Variants in XRCC4 observed in about 807,000 individuals in gnomAD.
The protein encoded by XRCC4 is X-ray repair cross complementing 4.
Under a neutral mutation model 39.1 loss-of-function variants are expected in XRCC4, and 28 were observed. The observed-to-expected ratio is 0.72, with a 90% CI of 0.53 to 0.98. The LOEUF (loss-of-function observed/expected upper bound fraction) is 0.98, where lower values mean the gene tolerates loss of function less well. Ranked by LOEUF, XRCC4 falls within the 50% of genes least tolerant of loss-of-function variation. XRCC4 has a pLI of 0.00. For synonymous variants in XRCC4, 123 were observed against 126.4 expected (o/e 0.97, Z 0.18); for missense variants, 350 against 376.4 (o/e 0.93, Z 0.58).
chr5:83,272,596 A>G (rs956805689), intron 7 of XRCC4, among the ~76,000 whole-genome samples: 1 of 151,818 alleles, frequency 6.6e-6, no homozygotes, highest in African/African-American at 2.4e-5. Context: ...ACCCCACGAC[A>G]GGCCACAGTA....
intron 3 of XRCC4, among the ~76,000 whole-genome samples, chr5:83,172,567 G>C (rs74945909): frequency 0.015 from 2,291 of 152,206 alleles, 54 homozygotes; most frequent in African/African-American, 0.051. Context: ...GTTAGATTTT[G>C]AGTATGGTGT....
At chr5:83,078,670 G>T (rs1744795579) in intron 1 of XRCC4, among the ~76,000 whole-genome samples, 1 of 152,174 alleles carries the variant, frequency 6.6e-6, no homozygotes, top group Admixed American at 6.5e-5. Flanking sequence ...CTGTTATATT[G>T]AATTGTCAAG....
intron 6 of XRCC4, among the ~76,000 whole-genome samples, chr5:83,238,357 T>C (rs1752771069): frequency 6.6e-6 from 1 of 152,206 alleles, no homozygotes; most frequent in African/African-American, 2.4e-5. Flanking sequence ...ATGCTTTTGA[T>C]TTTGGGAAAA....
At chr5:83,230,918 AT>A (rs971662415) in intron 6 of XRCC4, among the ~76,000 whole-genome samples, 2 of 148,732 alleles carry the variant, frequency 1.3e-5, no homozygotes, top group African/African-American at 2.5e-5. Flanking sequence ...ATAAGAATTC[AT>A]TTTTTTTTTG....
intron 7 of XRCC4, among the ~76,000 whole-genome samples, chr5:83,334,560 CA>C (rs984728882): frequency 6.6e-6 from 1 of 151,490 alleles, no homozygotes; most frequent in Non-Finnish European, 1.5e-5. Context: ...TAATTATTGA[CA>C]AAGGAAGATA....
chr5:83,150,926 G>GGTTTT (rs910846672), intron 3 of XRCC4, among the ~76,000 whole-genome samples: 5 of 151,850 alleles, frequency 3.3e-5, no homozygotes, highest in East Asian at 1.9e-4. Flanking sequence ...AGCCTATGAG[G>GGTTTT]GTTTTGTTTT....
intron 3 of XRCC4, among the ~76,000 whole-genome samples, chr5:83,116,636 T>TGA (rs1746731804): frequency 1.6e-5 from 2 of 128,194 alleles, no homozygotes; most frequent in African/African-American, 3.0e-5. Flanking sequence ...TTTTTTTTTT[T>TGA]TTTGAGATGG....
At chr5:83,218,501 A>T (rs1751959393) in intron 6 of XRCC4, among the ~76,000 whole-genome samples, 1 of 152,068 alleles carries the variant, frequency 6.6e-6, no homozygotes, top group African/African-American at 2.4e-5. Context: ...ATATGAGGAG[A>T]GGATCATATA....
At chr5:83,180,093 T>C (rs752601036) in intron 3 of XRCC4, among the ~76,000 whole-genome samples, 1 of 152,192 alleles carries the variant, frequency 6.6e-6, no homozygotes, top group Non-Finnish European at 1.5e-5. Context: ...TTTTATCATT[T>C]CTTCAGTAGC....
In XRCC4 at chr5:83,270,796, T is replaced by A. The variant is rs200858677; in HGVS notation, c.893+12119T>A. The stretch of plus-strand genomic sequence containing the variant: ...ATATACATATATATATGTATATATT[T>A]TTTTTTTGAGACAGAGTCTCACTCT... On this transcript the variant is annotated intron_variant, in intron 7 of 7. Transcript: ENST00000396027. Among the ~76,000 whole-genome samples the A allele has an allele frequency of 1.3e-3, 200 of 149,442 alleles. 2 individuals are homozygous for A. Among genetic ancestry groups the A allele is most frequent in the East Asian group, 0.012 (60 of 5,110 alleles).
Position 83,258,670 on chromosome 5 carries a change from A to G in XRCC4, c.886A>G (p.Lys296Glu). 6.2e-7 allele frequency: 1 copy of G among 1,610,014 alleles called. No individual in the cohort carries two copies. The highest frequency in any genetic ancestry group is 8.5e-7 in the Non-Finnish European group (1 of 1,178,520). Residue 296 changes from lysine (K) to glutamate (E), a missense_variant, in exon 7 of 8, where the codon AAG becomes GAG. Physicochemically the swap from Lys to Glu is moderately conservative, Grantham distance 56. Transcript: ENST00000396027. ...MAPQENQLQE[K>E]EKPDSSLPET... ...TCCTCAGGAGAATCAGCTTCAAGAA[A>G]AGGAAAAGTAAGTCATTTTATTCTT...
intron 3 of XRCC4, among the ~76,000 whole-genome samples, chr5:83,137,608 G>C (rs908633297): frequency 3.9e-5 from 6 of 152,148 alleles, no homozygotes; most frequent in Non-Finnish European, 4.4e-5. Flanking sequence ...ACCTGGATTT[G>C]AATCTCAGCA....
At chr5:83,276,206 TAATA>T (rs1427868256) in intron 7 of XRCC4, among the ~76,000 whole-genome samples, 3 of 152,190 alleles carry the variant, frequency 2.0e-5, no homozygotes, top group Admixed American at 6.5e-5. Flanking sequence ...CCTATTTTAA[TAATA>T]AAGTGTTGAA....
rs879653041 is a variant in XRCC4 at position 83,162,150 on chromosome 5, G to A, written c.316-33620G>A. Reference sequence around the variant, plus strand: ...CCACTGCACTCCAGCCTGGGCGACAGAGCGAGACAACGTTTCAAAAATAAA... The same window carrying A: ...CCACTGCACTCCAGCCTGGGCGACAAAGCGAGACAACGTTTCAAAAATAAA... On this transcript the variant is annotated intron_variant, in intron 3 of 7. Transcript: ENST00000396027. Among the ~76,000 whole-genome samples, 5 of 152,168 alleles carry A rather than the reference G, an allele frequency of 3.3e-5. 1 individual carries two copies. Among genetic ancestry groups the A allele is most frequent in the Admixed American group, 1.3e-4 (2 of 15,276 alleles).
intron 3 of XRCC4, among the ~76,000 whole-genome samples, chr5:83,125,347 C>T (rs1240591339): frequency 6.6e-6 from 1 of 152,128 alleles, no homozygotes; most frequent in Non-Finnish European, 1.5e-5. Context: ...TGTCTAAGGA[C>T]TCTTCCCTTA....
chr5:83,221,487 C>A (rs977689232), intron 6 of XRCC4, among the ~76,000 whole-genome samples: 4 of 152,084 alleles, frequency 2.6e-5, no homozygotes, highest in African/African-American at 9.7e-5. Context: ...AAATAGAACA[C>A]TCTAATTTAT....
intron 6 of XRCC4, among the ~76,000 whole-genome samples, chr5:83,223,755 A>T (rs1278491046): frequency 6.6e-6 from 1 of 151,898 alleles, no homozygotes; most frequent in African/African-American, 2.4e-5. Context: ...ATATGTATAC[A>T]TGTGCCATGC....
chr5:83,260,843 C>T (rs912141341), intron 7 of XRCC4, among the ~76,000 whole-genome samples: 2 of 151,916 alleles, frequency 1.3e-5, no homozygotes, highest in African/African-American at 2.4e-5. Context: ...GCTTTGGTAA[C>T]GGTCTGCTAA....
intron 3 of XRCC4, among the ~76,000 whole-genome samples, chr5:83,191,235 A>G (rs959805367): frequency 6.6e-6 from 1 of 152,232 alleles, no homozygotes; most frequent in African/African-American, 2.4e-5. Context: ...AGAGAGGCCA[A>G]TGTAGGCTGA....
Sources: gnomAD v4.1 joint callset for allele counts (sites outside exome capture counted in the v4.1 genomes callset) on GRCh38, gnomAD v4.1.1 for gene constraint, MANE v1.5 for transcripts, NCBI Gene and HGNC (gene_info 2026-07-23, HGNC 2026-07-21) for gene names.